Variants in FUT8 observed in about 807,000 individuals in gnomAD.
The protein encoded by FUT8 is fucosyltransferase 8.
Under a neutral mutation model 71.3 loss-of-function variants are expected in FUT8, and 29 were observed. The ratio of observed to expected loss-of-function variants is 0.41; its 90% CI spans 0.30 to 0.55. The LOEUF is 0.55. Among genes scored for constraint, FUT8 ranks in the 20% least tolerant of loss-of-function variants. The pLI, the probability that FUT8 is intolerant of heterozygous loss-of-function variation, is 0.34. For missense variants in FUT8, 544 were observed against 702.1 expected (o/e 0.77, Z 2.55); for synonymous variants, 254 against 239.3 (o/e 1.06, Z -0.57).
chr14:65,658,693 C>T (rs1008593327), intron 6 of FUT8, among the ~76,000 whole-genome samples: 3 of 152,020 alleles, frequency 2.0e-5, no homozygotes, highest in African/African-American at 4.8e-5. Context: ...ATTTATAATG[C>T]TCTTAAAGTG....
At chr14:65,641,756 T>A (rs1461543644) in intron 6 of FUT8, among the ~76,000 whole-genome samples, 3 of 151,026 alleles carry the variant, frequency 2.0e-5, no homozygotes, top group Non-Finnish European at 4.4e-5. Context: ...GTATGTGGTT[T>A]TTTTTTTTTC....
rs1183917222 is a variant in FUT8, at chr14:65,489,939, A to G, written c.-228+34221A>G. Among the ~76,000 whole-genome samples, 1 of 152,166 alleles carries G rather than the reference A, an allele frequency of 6.6e-6. No individual in the cohort carries two copies. The highest frequency in any genetic ancestry group is 1.5e-5 in the Non-Finnish European group (1 of 67,988). ...GGAAGAAAAAGCTTCTTGCATTTAT[A>G]TAACAATTCTTAATCTATTAGTTGC... On this transcript the variant is annotated intron_variant, in intron 2 of 10. Transcript: ENST00000673929. The surrounding 1 kb of genome is among the most constrained non-coding windows in gnomAD (Gnocchi z 4.0).
At chr14:65,542,982 A>G (rs1032666999) in intron 2 of FUT8, among the ~76,000 whole-genome samples, 6 of 152,050 alleles carry the variant, frequency 3.9e-5, no homozygotes, top group African/African-American at 1.4e-4. Context: ...GGGTTTCACC[A>G]TGTTGGTCAG....
rs543440132 is a variant in FUT8 at position 65,439,938 on chromosome 14, A to ATGTGTG, written c.-325-15671_-325-15666dup. On this transcript the variant is annotated intron_variant, in intron 1 of 10. Coordinates refer to ENST00000673929, the MANE Select transcript of FUT8 (RefSeq NM_001371533.1). ...ATCAACACATGAATGGATAAAGAAAATGTGTGTGTGTGTGTGTATATATAT... is the reference window on the plus strand; with the variant it reads ...ATCAACACATGAATGGATAAAGAAAATGTGTGTGTGTGTGTGTGTGTGTATATATAT... Among the ~76,000 whole-genome samples, 512 of 74,092 alleles carry ATGTGTG rather than the reference A, an allele frequency of 6.9e-3. 13 individuals are homozygous for ATGTGTG. The highest frequency in any genetic ancestry group is 0.017 in the South Asian group (28 of 1,674). The allele number at this position is 74,092 out of a possible 152,430, so 48.6% of individuals were successfully genotyped here. A position where few individuals can be genotyped will look rare whatever the true frequency, so the allele number is the denominator to read the frequency against.
intron 2 of FUT8, among the ~76,000 whole-genome samples, chr14:65,510,299 T>A (rs941363890): frequency 2.0e-5 from 3 of 152,150 alleles, no homozygotes; most frequent in African/African-American, 7.2e-5. Context: ...TGATGAATGA[T>A]CTTTTTAATG....
chr14:65,717,121 G>C (rs1348415022), intron 7 of FUT8, among the ~76,000 whole-genome samples: 1 of 137,940 alleles, frequency 7.2e-6, no homozygotes, highest in Non-Finnish European at 1.5e-5. Flanking sequence ...GGGCAGCCGG[G>C]CAGAGGCGCT....
intron 6 of FUT8, among the ~76,000 whole-genome samples, chr14:65,630,078 A>G (rs1890107393): frequency 6.6e-6 from 1 of 152,206 alleles, no homozygotes; most frequent in Non-Finnish European, 1.5e-5. Context: ...TAACTGGGAA[A>G]GAACAGTACA....
At chr14:65,629,215 T>C (rs1890047609) in intron 5 of FUT8, among the ~76,000 whole-genome samples, 1 of 152,250 alleles carries the variant, frequency 6.6e-6, no homozygotes. Flanking sequence ...TCCACATCTT[T>C]GTAGTGCTTT....
At chr14:65,500,911 A>G (rs1421051560) in intron 2 of FUT8, among the ~76,000 whole-genome samples, 1 of 152,076 alleles carries the variant, frequency 6.6e-6, no homozygotes, top group Non-Finnish European at 1.5e-5. Flanking sequence ...TATTTGTTTC[A>G]ATATATTCCT....
intron 2 of FUT8, among the ~76,000 whole-genome samples, chr14:65,526,747 G>C (rs573570614): frequency 1.2e-3 from 182 of 152,206 alleles, no homozygotes; most frequent in African/African-American, 4.3e-3. Flanking sequence ...AGCTCTTGTA[G>C]GGCAGGCCTG....
chr14:65,734,778 G>C (rs1896137829), intron 10 of FUT8, among the ~76,000 whole-genome samples: 1 of 152,140 alleles, frequency 6.6e-6, no homozygotes, highest in Non-Finnish European at 1.5e-5. Flanking sequence ...CACTTCCCCA[G>C]CTATGCCACC....
At chr14:65,657,698 G>T (rs1440607704) in intron 6 of FUT8, among the ~76,000 whole-genome samples, 1 of 152,094 alleles carries the variant, frequency 6.6e-6, no homozygotes, top group Non-Finnish European at 1.5e-5. Context: ...GTGGGGGCGG[G>T]TAAGGGGACG....
intron 1 of FUT8, among the ~76,000 whole-genome samples, chr14:65,439,954 G>GTGTGTACGTATATATA: frequency 3.2e-4 from 24 of 74,984 alleles, no homozygotes; most frequent in Non-Finnish European, 5.2e-4. Flanking sequence ...GTGTGTGTGT[G>GTGTGTACGTATATATA]TATATATATA....
chr14:65,690,897 C>T (rs369064906), intron 7 of FUT8, among the ~76,000 whole-genome samples: 8 of 151,690 alleles, frequency 5.3e-5, no homozygotes, highest in Non-Finnish European at 2.9e-5. Context: ...GGCTGATTTT[C>T]GTACTTTTAG....
chr14:65,418,285 T>C (rs1230560040), intron 1 of FUT8, among the ~76,000 whole-genome samples: 1 of 152,244 alleles, frequency 6.6e-6, no homozygotes, highest in Non-Finnish European at 1.5e-5. Context: ...CTAAGTCTTA[T>C]TTGATCAAGA....
the FUT8 span, among the ~76,000 whole-genome samples, chr14:65,363,401 G>C: frequency 6.6e-6 from 1 of 152,114 alleles, no homozygotes; most frequent in African/African-American, 2.4e-5. Context: ...GATTACAGGC[G>C]TGAGCCACTG....
chr14:65,559,840 A>G (rs1363411616), intron 2 of FUT8, among the ~76,000 whole-genome samples: 3 of 152,254 alleles, frequency 2.0e-5, no homozygotes, highest in African/African-American at 4.8e-5. Flanking sequence ...AGGATAAACA[A>G]TGGAGTCAGT....
chr14:65,500,792 A>T (rs774383376), intron 2 of FUT8, among the ~76,000 whole-genome samples: 30 of 152,254 alleles, frequency 2.0e-4, no homozygotes, highest in African/African-American at 6.3e-4. Context: ...AAGAATATAG[A>T]TCTAAAAATC....
the FUT8 span, among the ~76,000 whole-genome samples, chr14:65,372,950 C>A: frequency 6.6e-6 from 1 of 152,054 alleles, no homozygotes; most frequent in Non-Finnish European, 1.5e-5. Flanking sequence ...CACTAAGGAG[C>A]CAACTAGAAC....
Sources: allele counts gnomAD v4.1 joint callset (sites outside exome capture counted in the v4.1 genomes callset), GRCh38; gene constraint gnomAD v4.1.1; non-coding constraint Gnocchi (gnomAD v3.1); transcripts MANE v1.5; gene names NCBI Gene and HGNC (gene_info 2026-07-23, HGNC 2026-07-21).